IREB2: variants seen among roughly 807,000 people sequenced by gnomAD.
IREB2 encodes the protein iron responsive element binding protein 2, also known as iron-responsive element-binding protein 2.
A neutral mutation model predicts 118.8 loss-of-function variants in IREB2; 39 were observed. That is an observed-to-expected ratio of 0.33 (90% confidence interval 0.25 to 0.43). The LOEUF (loss-of-function observed/expected upper bound fraction) is 0.43, where lower values mean the gene tolerates loss of function less well. Ranked by LOEUF, IREB2 falls within the 20% of genes least tolerant of loss-of-function variation. The pLI is 1.00. For synonymous variants in IREB2, 372 were observed against 392.2 expected, an observed-to-expected ratio of 0.95 and a Z score of 0.61; for missense variants, 900 against 1,147.3, an observed-to-expected ratio of 0.78 and a Z score of 3.11.
At chr15:78,455,198 G>T (rs1427987482) in intron 2 of IREB2, among the ~76,000 whole-genome samples, 1 of 152,184 alleles carries the variant, frequency 6.6e-6, no homozygotes, top group African/African-American at 2.4e-5. Context: ...AGGAAAGCGT[G>T]GATAGGCTGG....
rs371178728 is a variant in IREB2 at position 78,484,761 on chromosome 15, G to A, written c.1414G>A (p.Val472Ile). 1.1e-5 allele frequency: 17 copies of A among 1,610,274 alleles called. No homozygotes were observed. The African/African-American group carries it at 2.0e-4, about 19-fold the overall frequency. Residue 472 changes from valine to isoleucine, a missense_variant and splice_region_variant, in exon 12 of 22, where the codon GTT (valine) becomes ATT (isoleucine). By Grantham distance (29) the Val-to-Ile change is conservative (BLOSUM62 3). Coordinates refer to ENST00000258886, the MANE Select transcript of IREB2 (RefSeq NM_004136.4). ...TATATTTTTGTGGAAATTTGTATAG[G>A]TTGGATTTAAAGGCTTCCAAATTGC... is the stretch of plus-strand genomic sequence containing the variant. ...SDFQACLNEK[V>I]GFKGFQIAAE...
At chr15:78,442,907 A>G (rs773883563) in intron 2 of IREB2, among the ~76,000 whole-genome samples, 1 of 152,220 alleles carries the variant, frequency 6.6e-6, no homozygotes, top group African/African-American at 2.4e-5. Flanking sequence ...ACCAGTTTTT[A>G]TAACCATGAT....
Position 78,499,173 on chromosome 15 carries a change from T to C in IREB2, c.*1030T>C, listed in dbSNP as rs2051895292. On this transcript the variant is annotated 3_prime_UTR_variant, in exon 22 of 22. Coordinates refer to ENST00000258886, the MANE Select transcript of IREB2 (RefSeq NM_004136.4). ...ATTTTGAATCATTTATCACCTGCGA[T>C]GCATGATTCTATTAATTTTGTTATG... The C allele has an allele frequency of 6.6e-6, 1 of 152,228 alleles. No individual in the cohort carries two copies. The highest frequency in any genetic ancestry group is 1.5e-5 in the Non-Finnish European group (1 of 68,040). The allele number at this position is 152,228 out of a possible 1,614,324, so 9.4% of individuals were successfully genotyped here.
intron 2 of IREB2, among the ~76,000 whole-genome samples, chr15:78,441,973 C>G (rs1430683659): frequency 6.6e-6 from 1 of 152,042 alleles, no homozygotes; most frequent in Non-Finnish European, 1.5e-5. Flanking sequence ...ATGGTGTGAT[C>G]TCAGCTCACT....
intron 2 of IREB2, among the ~76,000 whole-genome samples, chr15:78,445,136 A>ATTTT (rs200250924): frequency 8.1e-6 from 1 of 123,422 alleles, no homozygotes. Context: ...TCCAGTCTTT[A>ATTTT]TTTTTTTTTT....
intron 2 of IREB2, among the ~76,000 whole-genome samples, chr15:78,448,977 T>C (rs567068358): frequency 2.6e-5 from 4 of 152,332 alleles, no homozygotes; most frequent in African/African-American, 7.2e-5. Flanking sequence ...TTTCTGCAAA[T>C]ATCAAAACCC....
At chr15:78,456,219 G>C in intron 2 of IREB2, among the ~76,000 whole-genome samples, 1 of 152,298 alleles carries the variant, frequency 6.6e-6, no homozygotes, top group Middle Eastern at 3.4e-3. Context: ...ACCACAGGGA[G>C]AAATAAGAAA....
At chr15:78,437,595 A>C (rs976415202), upstream of IREB2, 1 of 152,826 alleles carries the variant, frequency 6.5e-6, no homozygotes, top group African/African-American at 2.4e-5. Context: ...AGTTGCTGCG[A>C]CAGGAGATAA....
chr15:78,460,997 C>T (rs1322205640), intron 2 of IREB2, among the ~76,000 whole-genome samples: 1 of 152,124 alleles, frequency 6.6e-6, no homozygotes, highest in Non-Finnish European at 1.5e-5. Flanking sequence ...TGATTGAGAT[C>T]ATACAGTATG....
At chr15:78,461,210 C>T (rs1312759291) in intron 2 of IREB2, among the ~76,000 whole-genome samples, 3 of 152,184 alleles carry the variant, frequency 2.0e-5, no homozygotes, top group East Asian at 3.8e-4. Context: ...TGCTTTTTAT[C>T]ATACATTGTC....
chr15:78,491,764 G>A (rs1036815254), intron 18 of IREB2, among the ~76,000 whole-genome samples: 3 of 152,160 alleles, frequency 2.0e-5, no homozygotes, highest in African/African-American at 7.2e-5. Flanking sequence ...CCAAATTGCT[G>A]GGATTACAGG....
chr15:78,473,149 G>C, intron 7 of IREB2, 93 bp from the exon 8 acceptor site: 1 of 1,226,980 alleles, frequency 8.2e-7, no homozygotes, highest in Admixed American at 1.9e-5. Context: ...TACTGTGTAA[G>C]ATAAGCTCAT....
Position 78,497,287 on chromosome 15 carries a change from T to A in IREB2, c.2757T>A (p.Ser919=). The A allele has an allele frequency of 6.2e-7, 1 of 1,613,406 alleles. No individual in the cohort carries two copies. Among genetic ancestry groups the A allele is most frequent in the Admixed American group, 1.7e-5 (1 of 60,016 alleles). ...CTTTAACATTTCCTGAAGAACTGTC[T>A]CCTGGAATTACATTGAATATACAGG... The part of the protein sequence containing the change: ...TFSLTFPEEL[S]PGITLNIQTS... Residue 919 remains serine, a synonymous_variant, in exon 21 of 22, where the codon TCT becomes TCA. Transcript: ENST00000258886.
rs1327659931 is a variant in IREB2, at chr15:78,484,915, C to T, written c.1568C>T (p.Ala523Val). 3.7e-6 allele frequency: 6 copies of T among 1,612,714 alleles called. No homozygotes were observed. The East Asian group carries it at 1.3e-4, about 36-fold the overall frequency. The part of the protein sequence containing the change: ...TNNCNPSVML[A>V]AGLLAKKAVE... ...AATTGCAATCCATCTGTCATGCTTG[C>T]TGCAGGTGGGTTGTGGTTTATGGCC... The change falls in exon 12 of 22, where the codon GCT becomes GTT. Residue 523 changes from alanine (A) to valine (V), a missense_variant. By Grantham distance (64) the Ala-to-Val change is moderately conservative. Coordinates refer to ENST00000258886, the MANE Select transcript of IREB2 (RefSeq NM_004136.4).
chr15:78,485,759 G>A lies in IREB2; in HGVS notation c.1628G>A (p.Arg543Lys), dbSNP rs2051649216. ...EAGLRVKPYI[R>K]TSLSPGSGMV... ...GGTCTGCGTGTTAAACCTTATATAA[G>A]AACAAGTTTATCTCCAGGCAGTGGG... Residue 543 changes from arginine to lysine, a missense_variant, in exon 13 of 22, where the codon AGA becomes AAA. Coordinates refer to ENST00000258886, the MANE Select transcript of IREB2 (RefSeq NM_004136.4). 6.2e-7 allele frequency: 1 copy of A among 1,613,950 alleles called. No homozygotes were observed. Among genetic ancestry groups the A allele is most frequent in the Non-Finnish European group, 8.5e-7 (1 of 1,179,880 alleles).
intron 3 of IREB2, among the ~76,000 whole-genome samples, chr15:78,464,837 A>G (rs1448085464): frequency 6.6e-6 from 1 of 152,332 alleles, no homozygotes; most frequent in East Asian, 1.9e-4. Flanking sequence ...TGCTTGTTGT[A>G]TAGTTGGCTG....
At chr15:78,485,878 G>A in intron 13 of IREB2, 38 bp downstream of exon 13, 2 of 1,574,502 alleles carry the variant, frequency 1.3e-6, no homozygotes, top group Non-Finnish European at 1.7e-6. Context: ...TGATATTGGT[G>A]TTCAGTAGGT....
At chr15:78,439,335 T>G (rs2050808471) in intron 1 of IREB2, among the ~76,000 whole-genome samples, 1 of 152,210 alleles carries the variant, frequency 6.6e-6, no homozygotes, top group Admixed American at 6.5e-5. Flanking sequence ...GTTTTTTTTT[T>G]TAATCAGTCC....
At chr15:78,485,597 T>C (rs2051645888) in intron 12 of IREB2, 108 bp from the exon 13 acceptor site, 1 of 1,136,876 alleles carries the variant, frequency 8.8e-7, no homozygotes, top group Non-Finnish European at 1.2e-6. Context: ...AGTTTATGAA[T>C]TCATACTTTA....
Sources: allele counts gnomAD v4.1 joint callset (sites outside exome capture counted in the v4.1 genomes callset), GRCh38; gene constraint gnomAD v4.1.1; transcripts MANE v1.5; gene names NCBI Gene and HGNC (gene_info 2026-07-23, HGNC 2026-07-21).